Variants in PCDH7 observed in about 807,000 individuals in gnomAD.
The protein encoded by PCDH7 is protocadherin 7.
A neutral mutation model predicts 58.9 loss-of-function variants in PCDH7; 17 were observed. The ratio of observed to expected loss-of-function variants is 0.29; its 90% confidence interval spans 0.20 to 0.43. The LOEUF is 0.43. Ranked by LOEUF, PCDH7 falls within the 20% of genes least tolerant of loss-of-function variation. PCDH7 has a pLI of 1.00. For synonymous variants in PCDH7, 664 were observed against 616.4 expected (o/e 1.08, Z -1.14); for missense variants, 1,274 against 1,441.0 (o/e 0.88, Z 1.88).
At chr4:31,091,630 C>A (rs1252858254) in intron 3 of PCDH7, among the ~76,000 whole-genome samples, 1 of 151,740 alleles carries the variant, frequency 6.6e-6, no homozygotes, top group Admixed American at 6.6e-5. Context: ...AAAAGGATAG[C>A]ATAAAAATGA....
At chr4:30,953,515 C>G (rs981384562) in intron 3 of PCDH7, among the ~76,000 whole-genome samples, 1 of 151,018 alleles carries the variant, frequency 6.6e-6, no homozygotes, top group Non-Finnish European at 1.5e-5. Context: ...AGTTTATGTT[C>G]TTATATTTAG....
chr4:30,789,843 A>G (rs1380619668), intron 1 of PCDH7, among the ~76,000 whole-genome samples: 9 of 152,094 alleles, frequency 5.9e-5, no homozygotes, highest in Admixed American at 5.2e-4. Context: ...CACCTACCAA[A>G]TCTCTCTTAT....
At chr4:30,784,553 G>T (rs1343427179) in intron 1 of PCDH7, among the ~76,000 whole-genome samples, 1 of 152,004 alleles carries the variant, frequency 6.6e-6, no homozygotes, top group Admixed American at 6.6e-5. Flanking sequence ...ATGCTTTTAA[G>T]TTAAAAGTGT....
intron 3 of PCDH7, among the ~76,000 whole-genome samples, chr4:30,951,410 T>C (rs139816925): frequency 0.013 from 2,043 of 152,292 alleles, 47 homozygotes; most frequent in African/African-American, 0.047. Context: ...GCTCTGATCA[T>C]TGAGTATCTT....
chr4:31,134,637 A>T (rs1431170652), intron 3 of PCDH7, among the ~76,000 whole-genome samples: 1 of 152,196 alleles, frequency 6.6e-6, no homozygotes, highest in African/African-American at 2.4e-5. Context: ...CACAAACATA[A>T]CTTAGTGGCT....
intron 1 of PCDH7, among the ~76,000 whole-genome samples, chr4:30,850,994 T>C (rs2109346264): frequency 6.6e-6 from 1 of 152,206 alleles, no homozygotes; most frequent in Admixed American, 6.6e-5. Flanking sequence ...GCTGGAGATA[T>C]TAAAGGAAGC....
In PCDH7 at chr4:31,128,868, G is replaced by A. The variant is rs188212057; in HGVS notation, c.*8-13605G>A. On this transcript the variant is annotated intron_variant, in intron 3 of 3. Coordinates refer to the PCDH7 transcript ENST00000509759. ...CTCAACTAAAAAGGTTATAGGACAG[G>A]TCCTAAAAGGGGATGAGGAGAGTGA... Among the ~76,000 whole-genome samples, 347 of 152,254 alleles carry A rather than the reference G, an allele frequency of 2.3e-3. 2 individuals are homozygous for A. Among genetic ancestry groups the A allele is most frequent in the Admixed American group, 4.3e-3 (65 of 15,276 alleles).
rs542735644 is a variant in PCDH7 at position 30,896,192 on chromosome 4, T to A, written c.71-23961T>A. On this transcript the variant is annotated intron_variant, in intron 1 of 3. Coordinates refer to the PCDH7 transcript ENST00000509759. ...TATATTTCCATTTTGGACCGTAAAT[T>A]TGGTGTGTCTAGAGAGCATATAATT... is the stretch of plus-strand genomic sequence containing the variant. Among the ~76,000 whole-genome samples, 27 of 152,336 alleles carry A rather than the reference T, an allele frequency of 1.8e-4. No individual in the cohort carries two copies. In the East Asian group the frequency reaches 4.1e-3, roughly 23 times the overall value.
At chr4:30,876,714 A>G (rs1736333610) in intron 1 of PCDH7, among the ~76,000 whole-genome samples, 1 of 152,012 alleles carries the variant, frequency 6.6e-6, no homozygotes, top group African/African-American at 2.4e-5. Context: ...TACCTGTAAC[A>G]AATAATTTGT....
intron 3 of PCDH7, among the ~76,000 whole-genome samples, chr4:31,068,780 C>T (rs1758305099): frequency 6.6e-6 from 1 of 151,944 alleles, no homozygotes; most frequent in Admixed American, 6.6e-5. Flanking sequence ...TGTTCTTTAT[C>T]ATTGTTTCCT....
chr4:30,772,354 G>T (rs1022075035), intron 1 of PCDH7, among the ~76,000 whole-genome samples: 4 of 152,166 alleles, frequency 2.6e-5, no homozygotes, highest in Admixed American at 6.5e-5. Flanking sequence ...CTTCAGAAAT[G>T]GATTGGAAAT....
chr4:30,886,660 A>G (rs1418475118), intron 1 of PCDH7, among the ~76,000 whole-genome samples: 2 of 151,032 alleles, frequency 1.3e-5, no homozygotes, highest in Non-Finnish European at 3.0e-5. Flanking sequence ...GCTGCTATAA[A>G]GACACATGCA....
intron 2 of PCDH7, among the ~76,000 whole-genome samples, chr4:30,931,800 C>T (rs947407119): frequency 4.8e-5 from 7 of 146,802 alleles, no homozygotes; most frequent in Admixed American, 1.4e-4. Context: ...TTTCTAATCA[C>T]CTTATGCTTC....
intron 1 of PCDH7, among the ~76,000 whole-genome samples, chr4:30,833,591 T>C (rs955853370): frequency 6.6e-6 from 1 of 152,122 alleles, no homozygotes; most frequent in Non-Finnish European, 1.5e-5. Context: ...CCACATAACA[T>C]AGTATATTCA....
chr4:30,851,999 A>G (rs1204537300), intron 1 of PCDH7, among the ~76,000 whole-genome samples: 3 of 152,086 alleles, frequency 2.0e-5, no homozygotes, highest in African/African-American at 7.2e-5. Context: ...AGGAAAATAG[A>G]TTTTTCAATG....
intron 1 of PCDH7, among the ~76,000 whole-genome samples, chr4:30,859,363 GT>G (rs1733894297): frequency 1.3e-5 from 2 of 151,914 alleles, no homozygotes. Context: ...CCCTCTGAGT[GT>G]GTGATATTTT....
intron 2 of PCDH7, among the ~76,000 whole-genome samples, chr4:30,932,149 A>C (rs1311293970): frequency 6.6e-6 from 1 of 152,184 alleles, no homozygotes; most frequent in Non-Finnish European, 1.5e-5. Flanking sequence ...AATACTATGT[A>C]AGTAGGTGTG....
chr4:31,109,435 T>C (rs1716009277), intron 3 of PCDH7, among the ~76,000 whole-genome samples: 1 of 152,188 alleles, frequency 6.6e-6, no homozygotes. Flanking sequence ...AGCCATGAAA[T>C]AGTCAAATTA....
intron 3 of PCDH7, among the ~76,000 whole-genome samples, chr4:31,071,758 G>T (rs1758558445): frequency 6.6e-6 from 1 of 151,858 alleles, no homozygotes; most frequent in African/African-American, 2.4e-5. Context: ...TTTCATTTAG[G>T]TTTATTCCTT....
Sources: gnomAD v4.1 joint callset for allele counts (sites outside exome capture counted in the v4.1 genomes callset) on GRCh38, gnomAD v4.1.1 for gene constraint, MANE v1.5 for transcripts, NCBI Gene and HGNC (gene_info 2026-07-23, HGNC 2026-07-21) for gene names.